Variants in SCN2A observed in about 807,000 individuals in gnomAD.
The protein encoded by SCN2A is sodium channel protein type 2 subunit alpha.
In SCN2A, 20 loss-of-function variants were observed where a neutral mutation model predicts 188.7. The observed-to-expected ratio is 0.11, with a 90% CI of 0.07 to 0.15. The LOEUF is 0.15. Among genes scored for constraint, SCN2A ranks in the 10% least tolerant of loss-of-function variants. SCN2A has a pLI of 1.00. For missense variants in SCN2A, 1,278 were observed against 2,445.0 expected (o/e 0.52, Z 10.07); for synonymous variants, 804 against 833.1 (o/e 0.97, Z 0.60).
At chr2:165,268,467 T>C (rs1317626951) in intron 1 of SCN2A, 1 of 151,830 alleles carries the variant, frequency 6.6e-6, no homozygotes, top group Non-Finnish European at 1.5e-5. Flanking sequence ...AGAAAAAATG[T>C]TTGATAAAAT....
chr2:165,366,929 T>C (rs1334990117), intron 18 of SCN2A, among the ~76,000 whole-genome samples: 1 of 152,106 alleles, frequency 6.6e-6, no homozygotes, highest in Non-Finnish European at 1.5e-5. Flanking sequence ...ATACCAACTT[T>C]TGGTAAGTTT....
intron 1 of SCN2A, among the ~76,000 whole-genome samples, chr2:165,292,488 C>A (rs570380977): frequency 3.9e-5 from 6 of 152,194 alleles, no homozygotes; most frequent in Non-Finnish European, 8.8e-5. Context: ...CCACCCTATA[C>A]CCACTTATAG....
intron 16 of SCN2A, among the ~76,000 whole-genome samples, chr2:165,346,222 G>A (rs958167118): frequency 5.9e-5 from 9 of 152,082 alleles, no homozygotes; most frequent in African/African-American, 2.2e-4. Flanking sequence ...TCTTTGTGGT[G>A]TTCTCTGTAT....
intron 12 of SCN2A, among the ~76,000 whole-genome samples, chr2:165,323,982 A>G (rs1362166394): frequency 2.0e-5 from 3 of 152,208 alleles, no homozygotes; most frequent in African/African-American, 7.2e-5. Flanking sequence ...GAGTGTTGTA[A>G]CCTTTTTAGC....
chr2:165,258,854 G>C (rs1049005280), intron 1 of SCN2A, among the ~76,000 whole-genome samples: 2 of 152,170 alleles, frequency 1.3e-5, no homozygotes, highest in Admixed American at 6.6e-5. Flanking sequence ...AATACCACAT[G>C]TTCTAACTTA....
Position 165,348,134 on chromosome 2 carries a change from G to A in SCN2A, c.2919+3223G>A, listed in dbSNP as rs530130160. On this transcript the variant is annotated intron_variant, in intron 16 of 26. Transcript: ENST00000375437. The stretch of plus-strand genomic sequence containing the variant: ...AGCATTTTGGGAGACTGAAGTGGGC[G>A]TTTCACTTGAGGACAGTAGTTCGCG... Among the ~76,000 whole-genome samples the A allele has an allele frequency of 2.9e-3, 440 of 152,210 alleles. 5 individuals are homozygous for A. Among genetic ancestry groups the A allele is most frequent in the Non-Finnish European group, 1.2e-3 (81 of 68,012 alleles).
intron 11 of SCN2A, among the ~76,000 whole-genome samples, chr2:165,319,680 G>T (rs1181795091): frequency 2.6e-5 from 4 of 152,134 alleles, no homozygotes; most frequent in African/African-American, 7.2e-5. Flanking sequence ...AGCAAAGAGA[G>T]AGTGAAAGCC....
At chr2:165,265,468 GATCTATATATATATATAT>G (rs1415209277) in intron 1 of SCN2A, among the ~76,000 whole-genome samples, 1 of 19,772 alleles carries the variant, frequency 5.1e-5, no homozygotes, top group African/African-American at 1.7e-4. Context: ...TTACTCTGTT[GATCTATATATATATATAT>G]ATATATATAT....
chr2:165,329,788 G>C (rs1191961718), intron 13 of SCN2A, among the ~76,000 whole-genome samples: 1 of 151,872 alleles, frequency 6.6e-6, no homozygotes. Flanking sequence ...GGTTATTTGG[G>C]AGTTTAGAAG....
intron 12 of SCN2A, among the ~76,000 whole-genome samples, chr2:165,326,217 T>C (rs1698350110): frequency 6.6e-6 from 1 of 152,184 alleles, no homozygotes; most frequent in African/African-American, 2.4e-5. Context: ...TCCCCCACAT[T>C]GGTATTATCT....
chr2:165,315,724 T>C lies in SCN2A; in HGVS notation c.1637T>C (p.Leu546Pro), dbSNP rs763022438. Reference protein sequence around the residue: ...GFRFSLEGSRLTYEKRFSSPH... With the variant: ...GFRFSLEGSRPTYEKRFSSPH... ...CGTTTTTCCTTGGAAGGAAGTAGGC[T>C]GACATATGAAAAGAGATTTTCTTCT... Residue 546 changes from leucine (L) to proline (P), a missense_variant, in exon 11 of 27, where the codon CTG (leucine) becomes CCG (proline). This residue lies in a region of SCN2A where 315 missense variants were observed against 386.6 expected (regional missense o/e 0.81). Coordinates refer to ENST00000375437, the MANE Select transcript of SCN2A (RefSeq NM_001040142.2). 6.2e-7 allele frequency: 1 copy of C among 1,613,136 alleles called. No homozygotes were observed. Among genetic ancestry groups the C allele is most frequent in the Non-Finnish European group, 8.5e-7 (1 of 1,179,594 alleles).
chr2:165,292,965 A>G (rs975043473), intron 1 of SCN2A, among the ~76,000 whole-genome samples: 2 of 152,192 alleles, frequency 1.3e-5, no homozygotes, highest in Non-Finnish European at 2.9e-5. Flanking sequence ...AGCATTCACA[A>G]TCTCACTGGT....
At chr2:165,329,719 CT>C (rs1698573112) in intron 13 of SCN2A, among the ~76,000 whole-genome samples, 1 of 151,944 alleles carries the variant, frequency 6.6e-6, no homozygotes, top group Non-Finnish European at 1.5e-5. Context: ...TTTGTAGTTT[CT>C]TTTTTGTTAT....
chr2:165,271,622 T>A (rs891680723), intron 1 of SCN2A: 1 of 152,144 alleles, frequency 6.6e-6, no homozygotes, highest in Non-Finnish European at 1.5e-5. Context: ...TTTAAGTGCA[T>A]ATTACTTTGA....
chr2:165,342,702 TAGAG>T (rs1463621692), intron 15 of SCN2A, among the ~76,000 whole-genome samples: 1 of 152,166 alleles, frequency 6.6e-6, no homozygotes, highest in African/African-American at 2.4e-5. Context: ...GGAAGGCTAA[TAGAG>T]AGGAGGAAAC....
intron 14 of SCN2A, among the ~76,000 whole-genome samples, chr2:165,333,704 C>A (rs1574616337): frequency 6.6e-6 from 1 of 151,320 alleles, no homozygotes; most frequent in African/African-American, 2.4e-5. Flanking sequence ...GGAGATTTCC[C>A]AAATTGCTAA....
chr2:165,313,567 AT>A lies in SCN2A; in HGVS notation c.1035-51del, dbSNP rs1158876454. On this transcript the variant is annotated intron_variant, in intron 8 of 26. Coordinates refer to ENST00000375437, the MANE Select transcript of SCN2A (RefSeq NM_001040142.2). Reference sequence around the variant, plus strand: ...GGCATATATTAAAACAGGAAAACCAATTAGCAGACTTGCCGTTATTGACTTC... The same window carrying A: ...GGCATATATTAAAACAGGAAAACCAATAGCAGACTTGCCGTTATTGACTTC... The A allele has an allele frequency of 1.7e-5, 28 of 1,607,510 alleles. No individual in the cohort carries two copies. In the Admixed American group the frequency reaches 3.0e-4, roughly 17 times the overall value.
chr2:165,254,251 A>G (rs957760820), intron 1 of SCN2A, among the ~76,000 whole-genome samples: 1 of 151,642 alleles, frequency 6.6e-6, no homozygotes, highest in African/African-American at 2.4e-5. Flanking sequence ...CATGTATTTC[A>G]TTAATATATT....
intron 24 of SCN2A, 26 bp downstream of exon 24, chr2:165,380,755 G>T (rs745603940): frequency 2.0e-6 from 3 of 1,525,502 alleles, no homozygotes; most frequent in South Asian, 1.1e-5. Context: ...CTTCATCCTT[G>T]CTCTGAAATA....
Sources: gnomAD v4.1 joint callset for allele counts (sites outside exome capture counted in the v4.1 genomes callset) on GRCh38, gnomAD v4.1.1 for gene constraint, gnomAD v4.1.1 regional missense constraint, MANE v1.5 for transcripts, NCBI Gene and HGNC (gene_info 2026-07-23, HGNC 2026-07-21) for gene names.